The following OR1J2 variants were observed in gnomAD, a reference collection of about 807,000 sequenced individuals.
The protein encoded by OR1J2 is olfactory receptor family 1 subfamily J member 2.
For synonymous variants in OR1J2, 142 were observed against 99.7 expected (o/e 1.42, Z -2.52); for missense variants, 304 against 246.1 (o/e 1.24, Z -1.57).
At chr9:122,570,447 G>C in the OR1J2 span, among the ~76,000 whole-genome samples, 1,043 of 152,276 alleles carry the variant, frequency 6.8e-3, 11 homozygotes, top group African/African-American at 0.024. Flanking sequence ...ATATATTGAT[G>C]TACTAAAAAA....
chr9:122,579,766 T>C, the OR1J2 span, among the ~76,000 whole-genome samples: 1 of 151,930 alleles, frequency 6.6e-6, no homozygotes, highest in East Asian at 1.9e-4. Context: ...AAGAAAAAAT[T>C]GTCATTGATG....
At chr9:122,538,660 CT>C in the OR1J2 span, among the ~76,000 whole-genome samples, 1 of 152,136 alleles carries the variant, frequency 6.6e-6, no homozygotes, top group African/African-American at 2.4e-5. Flanking sequence ...AGGACTTCTA[CT>C]ACTATGTTGA....
At chr9:122,531,903 T>A in the OR1J2 span, among the ~76,000 whole-genome samples, 3 of 152,198 alleles carry the variant, frequency 2.0e-5, no homozygotes, top group Non-Finnish European at 2.9e-5. Flanking sequence ...CCAGTGAAAG[T>A]GTCTACCTAG....
At chr9:122,534,831 C>T in the OR1J2 span, among the ~76,000 whole-genome samples, 275 of 152,176 alleles carry the variant, frequency 1.8e-3, 1 homozygote, top group Non-Finnish European at 3.1e-3. Context: ...AATGCCTGGA[C>T]GTCAGGCACC....
At chr9:122,476,247 T>G in the OR1J2 span, among the ~76,000 whole-genome samples, 1 of 152,186 alleles carries the variant, frequency 6.6e-6, no homozygotes, top group Non-Finnish European at 1.5e-5. Context: ...ATGTTTTTCT[T>G]AAAATTTCTG....
the OR1J2 span, among the ~76,000 whole-genome samples, chr9:122,494,761 G>T: frequency 2.6e-5 from 4 of 152,026 alleles, no homozygotes; most frequent in East Asian, 1.9e-4. Flanking sequence ...TTTTCATGGT[G>T]TTATTGTTAC....
chr9:122,579,239 T>G, the OR1J2 span, among the ~76,000 whole-genome samples: 2 of 151,886 alleles, frequency 1.3e-5, no homozygotes, highest in Non-Finnish European at 2.9e-5. Flanking sequence ...AATAATAATC[T>G]TAATAATTAT....
the OR1J2 span, chr9:122,567,671 G>C: frequency 4.3e-6 from 7 of 1,614,126 alleles, no homozygotes; most frequent in African/African-American, 1.3e-5. Context: ...CGTGGTCCTT[G>C]ACAGCGTAGG....
At chr9:122,546,349 G>A in the OR1J2 span, among the ~76,000 whole-genome samples, 10 of 152,256 alleles carry the variant, frequency 6.6e-5, no homozygotes, top group East Asian at 1.9e-4. Context: ...TGACTTGTTT[G>A]ACCAATAGAA....
the OR1J2 span, among the ~76,000 whole-genome samples, chr9:122,469,982 G>A: frequency 2.0e-5 from 3 of 152,172 alleles, no homozygotes; most frequent in Non-Finnish European, 4.4e-5. Context: ...TAAAAAGGAA[G>A]CAGAGCATAA....
the OR1J2 span, among the ~76,000 whole-genome samples, chr9:122,549,921 T>C: frequency 6.6e-6 from 1 of 152,194 alleles, no homozygotes; most frequent in Non-Finnish European, 1.5e-5. Context: ...TTGATAGGAA[T>C]TGCATTGAAT....
At chr9:122,485,032 A>G in the OR1J2 span, among the ~76,000 whole-genome samples, 1 of 152,150 alleles carries the variant, frequency 6.6e-6, no homozygotes, top group South Asian at 2.1e-4. Flanking sequence ...CCATGTTTCA[A>G]AAACACAAAA....
chr9:122,541,854 A>G, the OR1J2 span, among the ~76,000 whole-genome samples: 11 of 152,200 alleles, frequency 7.2e-5, no homozygotes, highest in Admixed American at 6.5e-4. Context: ...TGGTTACGGC[A>G]TATATCAGCA....
At chr9:122,561,360 C>G in the OR1J2 span, among the ~76,000 whole-genome samples, 41,419 of 152,006 alleles carry the variant, frequency 0.27, 5,815 homozygotes, top group Middle Eastern at 0.34. Context: ...ATTTCATCCT[C>G]CATCCAGTTC....
the OR1J2 span, among the ~76,000 whole-genome samples, chr9:122,485,040 A>G: frequency 6.6e-6 from 1 of 152,130 alleles, no homozygotes; most frequent in Non-Finnish European, 1.5e-5. Flanking sequence ...CAAAAACACA[A>G]AAAACAGTGT....
chr9:122,526,441 G>A, the OR1J2 span: 83 of 1,530,868 alleles, frequency 5.4e-5, 3 homozygotes, highest in Non-Finnish European at 1.9e-5. Context: ...TAGATAAAGG[G>A]GTTCAACATG....
At chr9:122,502,314 A>G in the OR1J2 span, among the ~76,000 whole-genome samples, 1 of 152,300 alleles carries the variant, frequency 6.6e-6, no homozygotes, top group African/African-American at 2.4e-5. Context: ...TTAAAAAAAA[A>G]TCACCAGAGA....
the OR1J2 span, among the ~76,000 whole-genome samples, chr9:122,569,785 C>A: frequency 0.026 from 3,986 of 152,136 alleles, 166 homozygotes; most frequent in African/African-American, 0.091. Context: ...CCCATTAACT[C>A]GTCATTTAGC....
chr9:122,525,523 CA>C, the OR1J2 span, among the ~76,000 whole-genome samples: 18 of 152,118 alleles, frequency 1.2e-4, no homozygotes, highest in African/African-American at 3.9e-4. Context: ...TACCTTCAAA[CA>C]TCATTTTTTC....
Sources: allele counts gnomAD v4.1 joint callset (sites outside exome capture counted in the v4.1 genomes callset), GRCh38; gene constraint gnomAD v4.1.1; transcripts MANE v1.5; gene names NCBI Gene and HGNC (gene_info 2026-07-23, HGNC 2026-07-21).